Variants in RNF38 observed in about 807,000 individuals in gnomAD.
The protein encoded by RNF38 is ring finger protein 38.
A neutral mutation model predicts 67.2 loss-of-function variants in RNF38; 15 were observed. That is an observed-to-expected ratio of 0.22 (90% CI 0.15 to 0.34). The LOEUF (loss-of-function observed/expected upper bound fraction) is 0.34, where lower values mean the gene tolerates loss of function less well. Among genes scored for constraint, RNF38 ranks in the 10% least tolerant of loss-of-function variants. RNF38 has a pLI of 1.00. For missense variants in RNF38, 524 were observed against 639.9 expected (o/e 0.82, Z 1.95); for synonymous variants, 220 against 218.8 (o/e 1.01, Z -0.05).
At chr9:36,401,250 A>G (rs1283116478), upstream of RNF38, 1 of 976,696 alleles carries the variant, frequency 1.0e-6, no homozygotes, top group Non-Finnish European at 1.2e-6. Context: ...CACGACTCGG[A>G]CCAGTTCCGG....
At chr9:36,434,627 G>A (rs567104813) in intron 1 of RNF38, among the ~76,000 whole-genome samples, 7 of 152,236 alleles carry the variant, frequency 4.6e-5, no homozygotes, top group African/African-American at 1.4e-4. Flanking sequence ...GACCTCAGGT[G>A]ATCTGCCCAT....
At chr9:36,464,730 A>G (rs1042644567) in intron 1 of RNF38, among the ~76,000 whole-genome samples, 2 of 152,230 alleles carry the variant, frequency 1.3e-5, no homozygotes, top group Non-Finnish European at 2.9e-5. Flanking sequence ...AGGAAATGGC[A>G]AAACAAGTTA....
chr9:36,365,660 TA>T (rs1159848612), intron 4 of RNF38, among the ~76,000 whole-genome samples: 1 of 87,970 alleles, frequency 1.1e-5, no homozygotes, highest in African/African-American at 4.2e-5. Context: ...TTAAGACTGA[TA>T]GTTTTTTTTT....
chr9:36,434,974 C>T (rs1233958359), intron 1 of RNF38, among the ~76,000 whole-genome samples: 1 of 148,238 alleles, frequency 6.7e-6, no homozygotes, highest in Non-Finnish European at 1.5e-5. Context: ...GAATACTCTG[C>T]AACTATAAGT....
intron 1 of RNF38, among the ~76,000 whole-genome samples, chr9:36,471,960 G>A (rs1840008223): frequency 6.6e-6 from 1 of 152,162 alleles, no homozygotes; most frequent in Non-Finnish European, 1.5e-5. Context: ...GTTTGGGGAA[G>A]AGGAATGTTT....
At chr9:36,482,718 ATTT>A (rs574647774) in intron 1 of RNF38, among the ~76,000 whole-genome samples, 125 of 152,308 alleles carry the variant, frequency 8.2e-4, no homozygotes, top group African/African-American at 2.7e-3. Context: ...AAAGTTTACT[ATTT>A]TAAGCTGTGC....
intron 1 of RNF38, among the ~76,000 whole-genome samples, chr9:36,447,771 A>G (rs1839343288): frequency 1.3e-5 from 2 of 152,236 alleles, no homozygotes; most frequent in East Asian, 1.9e-4. Flanking sequence ...CTCAAACTCA[A>G]TGACCTTAGG....
In RNF38 at chr9:36,432,889, T is replaced by C. The variant is rs118138022; in HGVS notation, n.242-8206A>G. ...ATGAGTCATCACTATTAATTACTAT[T>C]TATTATAACTATTATTTTCACTATT... On this transcript the variant is annotated intron_variant and non_coding_transcript_variant, in intron 1 of 3. Transcript: ENST00000488058. Among the ~76,000 whole-genome samples, 5 of 152,292 alleles carry C rather than the reference T, an allele frequency of 3.3e-5. No homozygotes were observed. In the East Asian group the frequency reaches 7.7e-4, roughly 23 times the overall value.
chr9:36,487,320 C>A (rs1195552806), exon 1 of RNF38: 1 of 985,272 alleles, frequency 1.0e-6, no homozygotes, highest in Admixed American at 6.2e-5. Context: ...GCTCCCGGCG[C>A]TCGGCCGCAG....
chr9:36,456,135 A>T (rs1839591008), intron 1 of RNF38, among the ~76,000 whole-genome samples: 1 of 152,068 alleles, frequency 6.6e-6, no homozygotes, highest in South Asian at 2.1e-4. Context: ...ATCTCAGCTC[A>T]CTGCAACCTC....
intron 11 of RNF38, among the ~76,000 whole-genome samples, chr9:36,341,976 C>T (rs1051805208): frequency 6.6e-6 from 1 of 151,964 alleles, no homozygotes; most frequent in Non-Finnish European, 1.5e-5. Context: ...TAAATAAAAA[C>T]ACTAGATGTA....
At chr9:36,424,601 C>T in intron 2 of RNF38, 1 of 983,994 alleles carries the variant, frequency 1.0e-6, no homozygotes, top group Non-Finnish European at 1.2e-6. Flanking sequence ...CAGACATCAA[C>T]ACGAACCTCA....
chr9:36,346,360 T>A (rs962740447), intron 9 of RNF38, among the ~76,000 whole-genome samples: 1 of 152,134 alleles, frequency 6.6e-6, no homozygotes, highest in African/African-American at 2.4e-5. Context: ...TTTTTGTATT[T>A]TTTATTTTTT....
chr9:36,432,517 G>A (rs1436052233), intron 1 of RNF38, among the ~76,000 whole-genome samples: 1 of 152,066 alleles, frequency 6.6e-6, no homozygotes, highest in Non-Finnish European at 1.5e-5. Context: ...TTGGCCAGGC[G>A]CAGTGGCTCA....
At chr9:36,394,599 T>A (rs1837385695) in intron 1 of RNF38, among the ~76,000 whole-genome samples, 1 of 152,230 alleles carries the variant, frequency 6.6e-6, no homozygotes, top group Non-Finnish European at 1.5e-5. Flanking sequence ...GCTAGCTTCA[T>A]GCCAGAAACT....
At position 36,373,608 on chromosome 9, in the gene RNF38, T is replaced by A. The variant is rs1395038832; in HGVS notation, c.356+2326A>T. ...TTAGCCCTTTTTTTTTTTTTTTTTTTAATTTGAGACAGAGTCTCACCCTGT... is the reference window on the plus strand; with the variant it reads ...TTAGCCCTTTTTTTTTTTTTTTTTTAAATTTGAGACAGAGTCTCACCCTGT... On this transcript the variant is annotated intron_variant, in intron 3 of 11. Transcript: ENST00000259605. Among the ~76,000 whole-genome samples the A allele has an allele frequency of 2.5e-4, 30 of 118,904 alleles. No homozygotes were observed. The East Asian group carries it at 4.6e-3, about 18-fold the overall frequency. 78.0% of individuals were successfully genotyped at this position (118,904 alleles called of 152,430 possible). A position where few individuals can be genotyped will look rare whatever the true frequency, so the allele number is the denominator to read the frequency against.
chr9:36,371,549 C>A (rs1021323870), intron 3 of RNF38, among the ~76,000 whole-genome samples: 1 of 149,780 alleles, frequency 6.7e-6, no homozygotes, highest in African/African-American at 2.5e-5. Flanking sequence ...CAGGTTCAAA[C>A]GATTCTCCTG....
chr9:36,433,881 T>C (rs141979314), intron 1 of RNF38, among the ~76,000 whole-genome samples: 150 of 152,076 alleles, frequency 9.9e-4, no homozygotes, highest in Non-Finnish European at 1.5e-3. Flanking sequence ...TAGTAGTAGA[T>C]ATATAAAGTA....
In RNF38 at chr9:36,369,837, T is replaced by C; in HGVS notation, c.452A>G (p.Gln151Arg). Reference sequence around the variant, plus strand: ...TCGAGGCTCCTCTATTGCTTGCTGCTGTGCGTAAGGGAGATGGTGATAGTT... The same window carrying C: ...TCGAGGCTCCTCTATTGCTTGCTGCCGTGCGTAAGGGAGATGGTGATAGTT... Reference protein sequence around the residue: ...DENYHHLPYAQQQAIEEPRAF... With the variant: ...DENYHHLPYARQQAIEEPRAF... The change falls in exon 4 of 12, where the codon CAG (glutamine) becomes CGG (arginine). Residue 151 changes from glutamine to arginine, a missense_variant. By Grantham distance (43) the Gln-to-Arg change is conservative. Around this residue, in one of 2 missense-constraint regions of RNF38, gnomAD observed 461 missense variants for 517.4 expected, o/e 0.89. Coordinates refer to ENST00000259605, the MANE Select transcript of RNF38 (RefSeq NM_022781.5). 1.9e-6 allele frequency: 3 copies of C among 1,613,942 alleles called. No individual in the cohort carries two copies. Among genetic ancestry groups the C allele is most frequent in the Non-Finnish European group, 2.5e-6 (3 of 1,180,016 alleles).
Sources: allele counts gnomAD v4.1 joint callset (sites outside exome capture counted in the v4.1 genomes callset), GRCh38; gene constraint gnomAD v4.1.1; regional missense constraint gnomAD v4.1.1; transcripts MANE v1.5; gene names NCBI Gene and HGNC (gene_info 2026-07-23, HGNC 2026-07-21).